KIF18A: variants seen among roughly 807,000 people sequenced by gnomAD.
KIF18A encodes kinesin-like protein KIF18A.
A neutral mutation model predicts 103.3 loss-of-function variants in KIF18A; 67 were observed. The observed-to-expected ratio is 0.65, with a 90% CI of 0.53 to 0.79. KIF18A has a LOEUF of 0.79. Ranked by LOEUF, KIF18A falls within the 30% of genes least tolerant of loss-of-function variation. The pLI is 0.00. For synonymous variants in KIF18A, 367 were observed against 355.5 expected (o/e 1.03, Z -0.36); for missense variants, 1,032 against 1,062.5 (o/e 0.97, Z 0.40).
At chr11:28,083,717 C>T (rs920557936) in intron 7 of KIF18A, among the ~76,000 whole-genome samples, 35 of 152,024 alleles carry the variant, frequency 2.3e-4, no homozygotes, top group Non-Finnish European at 2.9e-4. Flanking sequence ...ACTTAGAATT[C>T]GAACTGTTTG....
At chr11:28,070,981 G>A (rs565609003) in intron 10 of KIF18A, among the ~76,000 whole-genome samples, 118 of 152,256 alleles carry the variant, frequency 7.8e-4, no homozygotes, top group African/African-American at 2.7e-3. Context: ...ACTTGAGTCC[G>A]GGAGGTTGAG....
intron 2 of KIF18A, among the ~76,000 whole-genome samples, chr11:28,096,154 C>T (rs545811544): frequency 1.2e-5 from 1 of 86,148 alleles, no homozygotes; most frequent in East Asian, 3.8e-4. Context: ...CCAGCCTGGG[C>T]AACACAGCAA....
intron 13 of KIF18A, among the ~76,000 whole-genome samples, chr11:28,053,430 A>ATT (rs1850737061): frequency 6.6e-6 from 1 of 152,104 alleles, no homozygotes; most frequent in African/African-American, 2.4e-5. Context: ...GGGACATAAA[A>ATT]AACAGATAGT....
At chr11:28,091,123 AAAATAAATAAAT>A (rs71050943) in intron 4 of KIF18A, among the ~76,000 whole-genome samples, 3 of 147,342 alleles carry the variant, frequency 2.0e-5, no homozygotes, top group Admixed American at 1.4e-4. Context: ...GCCCGGTCAC[AAAATAAATAAAT>A]AAATAAATAA....
intron 10 of KIF18A, chr11:28,076,529 C>A (rs1230857268): frequency 3.9e-5 from 6 of 152,130 alleles, no homozygotes; most frequent in African/African-American, 1.4e-4. Context: ...CTTTCTTGTG[C>A]ACTTAACTAT....
At chr11:28,069,592 G>T (rs1850983483) in intron 10 of KIF18A, among the ~76,000 whole-genome samples, 169 bp from the exon 11 acceptor site, 1 of 151,984 alleles carries the variant, frequency 6.6e-6, no homozygotes, top group Non-Finnish European at 1.5e-5. Context: ...ACTACTGCTT[G>T]CAAGAAAATA....
At chr11:28,101,403 A>G (rs1217563301) in intron 1 of KIF18A, among the ~76,000 whole-genome samples, 3 of 152,232 alleles carry the variant, frequency 2.0e-5, no homozygotes, top group Non-Finnish European at 4.4e-5. Context: ...AATAAACCTT[A>G]GAATCTCAAG....
intron 10 of KIF18A, among the ~76,000 whole-genome samples, chr11:28,073,238 C>A (rs1851043827): frequency 6.6e-6 from 1 of 152,018 alleles, no homozygotes; most frequent in Non-Finnish European, 1.5e-5. Context: ...TGGGAATTGG[C>A]ACGAAGTTTT....
intron 13 of KIF18A, among the ~76,000 whole-genome samples, chr11:28,040,767 G>A (rs1850548791): frequency 6.6e-6 from 1 of 151,692 alleles, no homozygotes; most frequent in Non-Finnish European, 1.5e-5. Context: ...GAGGTAGTGG[G>A]TAGCAATGTA....
intron 13 of KIF18A, among the ~76,000 whole-genome samples, chr11:28,043,958 C>T (rs1318591069): frequency 6.6e-6 from 1 of 150,828 alleles, no homozygotes; most frequent in African/African-American, 2.4e-5. Context: ...GGGTAGGAAG[C>T]CAATAAAAAA....
At chr11:28,082,602 G>A (rs1034494452) in intron 9 of KIF18A, among the ~76,000 whole-genome samples, 3 of 152,066 alleles carry the variant, frequency 2.0e-5, no homozygotes, top group East Asian at 1.9e-4. Flanking sequence ...TATATGCACC[G>A]GAAAACCAAA....
At chr11:28,086,490 G>A (rs1195660787) in intron 6 of KIF18A, among the ~76,000 whole-genome samples, 3 of 152,172 alleles carry the variant, frequency 2.0e-5, no homozygotes, top group Non-Finnish European at 4.4e-5. Flanking sequence ...AAAGTAGAAT[G>A]TTTATATAAG....
At chr11:28,091,148 A>AC (rs377163658) in intron 4 of KIF18A, among the ~76,000 whole-genome samples, 19,490 of 145,756 alleles carry the variant, frequency 0.13, 1,629 homozygotes, top group Non-Finnish European at 0.17. Context: ...ATAAATAAAT[A>AC]AATACATACA....
At chr11:28,099,658 T>C (rs1033080185) in intron 1 of KIF18A, among the ~76,000 whole-genome samples, 2 of 152,018 alleles carry the variant, frequency 1.3e-5, no homozygotes, top group Non-Finnish European at 2.9e-5. Context: ...AAGTAAGGAC[T>C]TGAAGGAGGT....
At chr11:28,077,283 T>A (rs1340797108) in intron 9 of KIF18A, 114 bp from the exon 10 acceptor site, 6 of 639,144 alleles carry the variant, frequency 9.4e-6, no homozygotes, top group Non-Finnish European at 1.3e-5. Flanking sequence ...AGAACTACAC[T>A]CAATGATAAA....
At chr11:28,044,079 T>C (rs186123061) in intron 13 of KIF18A, among the ~76,000 whole-genome samples, 89 of 151,962 alleles carry the variant, frequency 5.9e-4, no homozygotes, top group Admixed American at 4.0e-3. Flanking sequence ...TATAAGGAAG[T>C]TGGATTCCCA....
intron 3 of KIF18A, among the ~76,000 whole-genome samples, chr11:28,092,699 T>C (rs1317550284): frequency 6.6e-6 from 1 of 152,228 alleles, no homozygotes; most frequent in Non-Finnish European, 1.5e-5. Flanking sequence ...TAAAAAATTA[T>C]TTTGTGTTAT....
intron 13 of KIF18A, among the ~76,000 whole-genome samples, chr11:28,043,250 A>G (rs2133503746): frequency 6.6e-6 from 1 of 152,044 alleles, no homozygotes; most frequent in South Asian, 2.1e-4. Context: ...CATGGATGAG[A>G]TACTCTTGGG....
chr11:28,059,179 G>T lies in KIF18A; in HGVS notation c.1713-18C>A. ...TCAATACTCTATATACAGAAGATGA[G>T]AAGAAAGGAGAGATAAATATGACAT... On this transcript the variant is annotated intron_variant, in intron 12 of 16. Coordinates refer to ENST00000263181, the MANE Select transcript of KIF18A (RefSeq NM_031217.4). 6.6e-7 allele frequency: 1 copy of T among 1,513,676 alleles called. No individual in the cohort carries two copies. The highest frequency in any genetic ancestry group is 9.1e-7 in the Non-Finnish European group (1 of 1,093,200). 93.8% of individuals were successfully genotyped at this position (1,513,676 alleles called of 1,614,324 possible). A position where few individuals can be genotyped will look rare whatever the true frequency, so the allele number is the denominator to read the frequency against.
Sources: allele counts gnomAD v4.1 joint callset (sites outside exome capture counted in the v4.1 genomes callset), GRCh38; gene constraint gnomAD v4.1.1; transcripts MANE v1.5; gene names NCBI Gene and HGNC (gene_info 2026-07-23, HGNC 2026-07-21).